Variants in C10orf105 observed in about 807,000 individuals in gnomAD.
C10orf105 encodes the protein uncharacterized protein C10orf105.
Under a neutral mutation model 0.6 loss-of-function variants are expected in C10orf105, and 2 were observed. The observed-to-expected ratio is 3.18, with a 90% CI of 1.30 to 10.01. C10orf105 has a LOEUF of 10.01. Ranked by LOEUF, C10orf105 falls within the 30% of genes most tolerant of loss-of-function variation. The pLI, the probability that C10orf105 is intolerant of heterozygous loss-of-function variation, is 0.04. For synonymous variants in C10orf105, 95 were observed against 82.4 expected, an observed-to-expected ratio of 1.15 and a Z score of -0.83; for missense variants, 209 against 191.4, an observed-to-expected ratio of 1.09 and a Z score of -0.54.
chr10:71,724,066 G>A, upstream of C10orf105: 2 of 1,560,920 alleles, frequency 1.3e-6, no homozygotes, highest in Non-Finnish European at 1.7e-6. Context: ...GGACGCAGAT[G>A]AGGGCGAGTT....
intron 1 of C10orf105, chr10:71,716,609 C>A: frequency 2.6e-6 from 1 of 379,854 alleles, no homozygotes; most frequent in Admixed American, 4.2e-5. Flanking sequence ...GACAAGAGGG[C>A]GGTGGCCTGT....
rs1375853624 is a variant in C10orf105 at position 71,730,504 on chromosome 10, C to T, written c.-6+7224G>A. On this transcript the variant is annotated intron_variant, in intron 1 of 1. Transcript: ENST00000398786. Reference sequence around the variant, plus strand: ...ACGTGGAGGACATCAACGATGAGGCCCCCGTGTTCACACAGCAGCAGTACA... The same window carrying T: ...ACGTGGAGGACATCAACGATGAGGCTCCCGTGTTCACACAGCAGCAGTACA... 1.9e-6 allele frequency: 3 copies of T among 1,613,896 alleles called. No homozygotes were observed. Among genetic ancestry groups the T allele is most frequent in the South Asian group, 1.1e-5 (1 of 91,076 alleles).
rs567352414 is a variant in C10orf105 at position 71,714,097 on chromosome 10, G to A, written c.*1839C>T. On this transcript the variant is annotated 3_prime_UTR_variant, in exon 2 of 2. Transcript: ENST00000441508. Reference sequence around the variant, plus strand: ...CTCAGGGAGAAATGCAGCGTCTCAGGATGACTTCTCCAAGGTCCTCTTGGT... The same window carrying A: ...CTCAGGGAGAAATGCAGCGTCTCAGAATGACTTCTCCAAGGTCCTCTTGGT... 1 of 152,280 alleles carries A rather than the reference G, an allele frequency of 6.6e-6. No individual in the cohort carries two copies. The highest frequency in any genetic ancestry group is 2.4e-5 in the African/African-American group (1 of 41,546). 9.4% of individuals were successfully genotyped at this position (152,280 alleles called of 1,614,324 possible). A position where few individuals can be genotyped will look rare whatever the true frequency, so the allele number is the denominator to read the frequency against.
At chr10:71,728,534 A>G (rs1160147297) in intron 1 of C10orf105, among the ~76,000 whole-genome samples, 2 of 152,234 alleles carry the variant, frequency 1.3e-5, no homozygotes, top group African/African-American at 2.4e-5. Context: ...CCAAAGAGAA[A>G]GCAGGGCTGA....
In C10orf105 at chr10:71,712,824, C is replaced by T. The variant is rs539034178; in HGVS notation, c.*3112G>A. ...CACAGCATCTTGCAGGCAGGTGGCC[C>T]GTGGCCTCTGGGGCAGGTGGTGGGC... On this transcript the variant is annotated 3_prime_UTR_variant, in exon 2 of 2. Coordinates refer to ENST00000441508, the MANE Select transcript of C10orf105 (RefSeq NM_001164375.3). 1.2e-5 allele frequency: 19 copies of T among 1,608,730 alleles called. No homozygotes were observed. Among genetic ancestry groups the T allele is most frequent in the East Asian group, 2.2e-5 (1 of 44,688 alleles).
chr10:71,736,220 G>C (rs1839561072), intron 1 of C10orf105, among the ~76,000 whole-genome samples: 1 of 152,232 alleles, frequency 6.6e-6, no homozygotes, highest in Admixed American at 6.5e-5. Flanking sequence ...ACCCCCTTTT[G>C]TTCTGCCCTG....
At chr10:71,734,133 G>C in intron 1 of C10orf105, 2 of 899,976 alleles carry the variant, frequency 2.2e-6, no homozygotes, top group South Asian at 1.4e-5. Flanking sequence ...TCCTGGGGAA[G>C]TTATGCCGGA....
chr10:71,718,292 C>T (rs1196378447), intron 1 of C10orf105, among the ~76,000 whole-genome samples: 3 of 152,200 alleles, frequency 2.0e-5, no homozygotes, highest in African/African-American at 7.2e-5. Context: ...CACCAGCAGC[C>T]GCAGGACCTC....
upstream of C10orf105, among the ~76,000 whole-genome samples, chr10:71,722,882 G>A (rs1866621871): frequency 6.6e-6 from 1 of 152,190 alleles, no homozygotes. Flanking sequence ...GTGGTGGGAA[G>A]TGGGGCCCAG....
upstream of C10orf105, among the ~76,000 whole-genome samples, chr10:71,724,698 C>T (rs921884229): frequency 6.6e-6 from 1 of 152,204 alleles, no homozygotes; most frequent in African/African-American, 2.4e-5. Context: ...CCAGGGCAGC[C>T]CCCAGCAGCA....
At chr10:71,722,095 G>A (rs943485041), upstream of C10orf105, among the ~76,000 whole-genome samples, 2 of 152,208 alleles carry the variant, frequency 1.3e-5, no homozygotes, top group East Asian at 1.9e-4. Flanking sequence ...AGCAACGATA[G>A]GAAAGCCTAC....
At position 71,712,302 on chromosome 10, in the gene C10orf105, A is replaced by T. The variant is rs183297484; in HGVS notation, c.*3634T>A. The stretch of plus-strand genomic sequence containing the variant: ...CAAAGGCCCTTTTCCCAAATAAATT[A>T]ATCTTCACAGGTTCCCAGGGGTTTA... On this transcript the variant is annotated 3_prime_UTR_variant, in exon 2 of 2. Transcript: ENST00000441508. The T allele has an allele frequency of 5.6e-4, 109 of 195,938 alleles. 1 individual carries two copies. The highest frequency in any genetic ancestry group is 4.0e-3 in the Middle Eastern group (2 of 502). 12.1% of individuals were successfully genotyped at this position (195,938 alleles called of 1,614,324 possible). A position where few individuals can be genotyped will look rare whatever the true frequency, so the allele number is the denominator to read the frequency against.
At chr10:71,732,509 G>A in intron 1 of C10orf105, 2 of 1,383,756 alleles carry the variant, frequency 1.4e-6, no homozygotes, top group South Asian at 2.7e-5. Flanking sequence ...TTAGGTACCT[G>A]TAGTCCCAGC....
At chr10:71,719,092 TA>T (rs1004805574) in intron 1 of C10orf105, among the ~76,000 whole-genome samples, 108 of 148,046 alleles carry the variant, frequency 7.3e-4, no homozygotes, top group African/African-American at 2.2e-3. Flanking sequence ...AAATAAAAAA[TA>T]AAAAAAAAAT....
At chr10:71,726,397 G>A (rs1373509940) in intron 1 of C10orf105, among the ~76,000 whole-genome samples, 1 of 152,176 alleles carries the variant, frequency 6.6e-6, no homozygotes, top group Non-Finnish European at 1.5e-5. Context: ...GGTGGTCACC[G>A]GGTACTCACG....
At position 71,712,964 on chromosome 10, in the gene C10orf105, G is replaced by A. The variant is rs987212460; in HGVS notation, c.*2972C>T. On this transcript the variant is annotated 3_prime_UTR_variant, in exon 2 of 2. Coordinates refer to ENST00000441508, the MANE Select transcript of C10orf105 (RefSeq NM_001164375.3). ...GCTCTGGAAGGTGCTGTGGGGAAAG[G>A]GGGACCCAGGCCCTCTCCCATCCCA... 89 of 938,822 alleles carry A rather than the reference G, an allele frequency of 9.5e-5. 1 individual carries two copies. Among genetic ancestry groups the A allele is most frequent in the Non-Finnish European group, 5.0e-6 (3 of 597,404 alleles). 58.2% of individuals were successfully genotyped at this position (938,822 alleles called of 1,614,324 possible).
chr10:71,737,106 G>A (rs1839588229), intron 1 of C10orf105, among the ~76,000 whole-genome samples: 1 of 152,174 alleles, frequency 6.6e-6, no homozygotes, highest in African/African-American at 2.4e-5. Context: ...TTCACCCTGA[G>A]AACAGTGTGA....
Position 71,731,965 on chromosome 10 carries a change from C to T in C10orf105, c.-6+5763G>A, listed in dbSNP as rs777009430. On this transcript the variant is annotated intron_variant, in intron 1 of 1. Coordinates refer to the C10orf105 transcript ENST00000398786. Reference sequence around the variant, plus strand: ...CCACTCAGTTCTATCTGGGACTGCACAGCCTCTGTGTCCTCCTACAGGGGA... The same window carrying T: ...CCACTCAGTTCTATCTGGGACTGCATAGCCTCTGTGTCCTCCTACAGGGGA... 3.1e-6 allele frequency: 5 copies of T among 1,607,864 alleles called. No individual in the cohort carries two copies. In the African/African-American group the frequency reaches 5.3e-5, roughly 17 times the overall value.
At chr10:71,716,663 G>A (rs1284225720) in intron 1 of C10orf105, 3 of 256,282 alleles carry the variant, frequency 1.2e-5, no homozygotes, top group Non-Finnish European at 2.2e-5. Context: ...CAGGGTCTTA[G>A]GCCTGGAAAC....
Sources: allele counts gnomAD v4.1 joint callset (sites outside exome capture counted in the v4.1 genomes callset), GRCh38; gene constraint gnomAD v4.1.1; transcripts MANE v1.5; gene names NCBI Gene and HGNC (gene_info 2026-07-23, HGNC 2026-07-21).